Variants in ATG13 observed in about 807,000 individuals in gnomAD.
The protein encoded by ATG13 is autophagy related 13.
A neutral mutation model predicts 65.5 loss-of-function variants in ATG13; 23 were observed. The observed-to-expected ratio is 0.35, with a 90% CI of 0.25 to 0.50. The LOEUF is 0.50. ATG13 is among the 20% of genes least tolerant of loss of function. ATG13 has a pLI of 0.98. For missense variants in ATG13, 566 were observed against 677.0 expected (o/e 0.84, Z 1.82); for synonymous variants, 252 against 245.2 (o/e 1.03, Z -0.26).
chr11:46,664,773 C>CT, intron 12 of ATG13, 76 bp from the exon 13 acceptor site: 1 of 1,354,574 alleles, frequency 7.4e-7, no homozygotes, highest in Non-Finnish European at 1.0e-6. Flanking sequence ...ACTGAGCCAT[C>CT]TTGTTTGTCA....
At position 46,644,323 on chromosome 11, in the gene ATG13, A is replaced by G; in HGVS notation, c.32A>G (p.Lys11Arg). Reference sequence around the variant, plus strand: ...ACTGATCTCAATTCCCAGGACAGAAAGGACCTGGACAAGTTTATTAAATTT... The same window carrying G: ...ACTGATCTCAATTCCCAGGACAGAAGGGACCTGGACAAGTTTATTAAATTT... METDLNSQDR[K>R]DLDKFIKFFA... Residue 11 changes from lysine (K) to arginine (R), a missense_variant, in exon 3 of 19, where the codon AAG becomes AGG. Around this residue, in one of 2 missense-constraint regions of ATG13, gnomAD observed 179 missense variants for 267.2 expected, o/e 0.67. Coordinates refer to ENST00000683050, the MANE Select transcript of ATG13 (RefSeq NM_001346311.2). The G allele has an allele frequency of 6.2e-6, 10 of 1,611,256 alleles. No homozygotes were observed. The highest frequency in any genetic ancestry group is 7.6e-6 in the Non-Finnish European group (9 of 1,179,262).
chr11:46,656,285 C>G lies in ATG13; in HGVS notation c.499+12C>G. On this transcript the variant is annotated intron_variant, in intron 8 of 18. Transcript: ENST00000683050. ...TGGCTTAGGAGAAGGTATGTATCAACGGTTGAAAAACATCGTAGTGTTCAG... is the reference window on the plus strand; with the variant it reads ...TGGCTTAGGAGAAGGTATGTATCAAGGGTTGAAAAACATCGTAGTGTTCAG... 1 of 1,608,596 alleles carries G rather than the reference C, an allele frequency of 6.2e-7. No homozygotes were observed. Among genetic ancestry groups the G allele is most frequent in the Non-Finnish European group, 8.5e-7 (1 of 1,175,156 alleles).
intron 2 of ATG13, among the ~76,000 whole-genome samples, chr11:46,631,433 GT>G (rs1394847492): frequency 1.3e-5 from 2 of 152,134 alleles, no homozygotes; most frequent in African/African-American, 4.8e-5. Flanking sequence ...GTTAAATGTT[GT>G]TTTCCATTCG....
intron 13 of ATG13, 36 bp from the exon 14 acceptor site, chr11:46,665,347 C>T (rs780638730): frequency 3.5e-5 from 56 of 1,602,376 alleles, no homozygotes; most frequent in Non-Finnish European, 4.7e-5. Flanking sequence ...GCCTGGCATG[C>T]CATGATTCAC....
At chr11:46,657,023 C>T in intron 8 of ATG13, 72 bp from the exon 9 acceptor site, 1 of 1,293,954 alleles carries the variant, frequency 7.7e-7, no homozygotes, top group Non-Finnish European at 1.1e-6. Context: ...CCAAATAATT[C>T]AGGGAAAGAC....
intron 12 of ATG13, 139 bp from the exon 13 acceptor site, chr11:46,664,710 G>A (rs10838610): frequency 0.68 from 475,471 of 702,920 alleles, 169,803 homozygotes; most frequent in East Asian, 0.87. Context: ...CCCCTATCAC[G>A]TCAGGCCCCC....
intron 2 of ATG13, among the ~76,000 whole-genome samples, chr11:46,635,566 C>G (rs1211002312): frequency 6.6e-6 from 1 of 152,148 alleles, no homozygotes; most frequent in African/African-American, 2.4e-5. Flanking sequence ...TGTTCAATTG[C>G]AGGTTTCTTT....
At chr11:46,671,036 C>A (rs1251087094) in intron 18 of ATG13, among the ~76,000 whole-genome samples, 1 of 152,138 alleles carries the variant, frequency 6.6e-6, no homozygotes, top group Non-Finnish European at 1.5e-5. Flanking sequence ...AGCCTTTTAA[C>A]CACTAAACTC....
chr11:46,633,003 AATATATATATAT>A (rs1184181156), intron 2 of ATG13, among the ~76,000 whole-genome samples: 4 of 89,148 alleles, frequency 4.5e-5, no homozygotes, highest in African/African-American at 1.7e-4. Context: ...ATTAAAAAAA[AATATATATATAT>A]ATATATATAT....
intron 9 of ATG13, 137 bp from the exon 10 acceptor site, chr11:46,657,387 G>T: frequency 3.0e-6 from 3 of 993,438 alleles, no homozygotes; most frequent in Non-Finnish European, 4.6e-6. Context: ...AGGATTGGTG[G>T]TTTATATTTA....
intron 1 of ATG13, chr11:46,618,127 C>T (rs2135463341): frequency 5.3e-6 from 2 of 380,796 alleles, no homozygotes; most frequent in East Asian, 7.5e-5. Context: ...TTTTCAGCTC[C>T]TTGGGTTAGG....
chr11:46,667,214 C>A (rs145186455), intron 14 of ATG13, among the ~76,000 whole-genome samples: 1 of 152,166 alleles, frequency 6.6e-6, no homozygotes, highest in Non-Finnish European at 1.5e-5. Context: ...CTTGAATCCC[C>A]GTTTTTGGCC....
chr11:46,618,017 G>A (rs1359756531), intron 1 of ATG13, 127 bp downstream of exon 1: 2 of 397,244 alleles, frequency 5.0e-6, no homozygotes, highest in East Asian at 7.1e-5. Flanking sequence ...AATCCCCTGG[G>A]CCCCTGAGTT....
At chr11:46,671,878 A>G (rs2134365258) in intron 18 of ATG13, among the ~76,000 whole-genome samples, 1 of 152,360 alleles carries the variant, frequency 6.6e-6, no homozygotes, top group South Asian at 2.1e-4. Flanking sequence ...GGGTGTGAAG[A>G]AATCTTTTGT....
chr11:46,653,176 T>A (rs1177089057), intron 7 of ATG13, among the ~76,000 whole-genome samples: 5 of 150,808 alleles, frequency 3.3e-5, no homozygotes, highest in African/African-American at 9.9e-5. Flanking sequence ...ATTTCATTTC[T>A]TTTCTTTTTT....
At chr11:46,662,156 T>C (rs568501337) in intron 11 of ATG13, among the ~76,000 whole-genome samples, 1 of 152,352 alleles carries the variant, frequency 6.6e-6, no homozygotes, top group East Asian at 1.9e-4. Context: ...TGCACATTAA[T>C]AGAAGCAGGG....
rs1313444558 is a variant in ATG13, at chr11:46,673,415, A to G, written c.*1083A>G. ...TCCTGGTGAGAGCCTTACATCTCCC[A>G]CAGTTTCTGCAGAGTGACTGACTCC... is the stretch of plus-strand genomic sequence containing the variant. On this transcript the variant is annotated 3_prime_UTR_variant, in exon 19 of 19. Transcript: ENST00000683050. The G allele has an allele frequency of 1.3e-5, 2 of 152,344 alleles. No individual in the cohort carries two copies. The highest frequency in any genetic ancestry group is 6.8e-3 in the Middle Eastern group (2 of 296). 9.4% of individuals were successfully genotyped at this position (152,344 alleles called of 1,614,324 possible). A position where few individuals can be genotyped will look rare whatever the true frequency, so the allele number is the denominator to read the frequency against.
chr11:46,634,245 A>G (rs1591615668), intron 2 of ATG13, among the ~76,000 whole-genome samples: 4 of 151,760 alleles, frequency 2.6e-5, no homozygotes. Context: ...ACAGGCATGC[A>G]CCGCCACACC....
At chr11:46,672,193 G>T (rs1286669062) in intron 18 of ATG13, 62 bp from the exon 19 acceptor site, 1 of 1,611,816 alleles carries the variant, frequency 6.2e-7, no homozygotes. Context: ...TTCGGGACTG[G>T]GCTGGCTGCC....
Sources: allele counts gnomAD v4.1 joint callset (sites outside exome capture counted in the v4.1 genomes callset), GRCh38; gene constraint gnomAD v4.1.1; regional missense constraint gnomAD v4.1.1; transcripts MANE v1.5; gene names NCBI Gene and HGNC (gene_info 2026-07-23, HGNC 2026-07-21).